The following ALPK1 variants were observed in gnomAD, a reference collection of about 807,000 sequenced individuals.
ALPK1 encodes the protein alpha-protein kinase 1.
Under a neutral mutation model 120.6 loss-of-function variants are expected in ALPK1, and 110 were observed. The observed-to-expected ratio is 0.91, with a 90% CI of 0.78 to 1.07. The LOEUF (loss-of-function observed/expected upper bound fraction) is 1.07. Among genes scored for constraint, ALPK1 ranks in the 50% least tolerant of loss-of-function variants. The pLI is 0.00. For synonymous variants in ALPK1, 582 were observed against 560.3 expected (o/e 1.04, Z -0.55); for missense variants, 1,498 against 1,483.9 (o/e 1.01, Z -0.16).
At position 112,359,417 on chromosome 4, in the gene ALPK1, C is replaced by T. The variant is rs1471502431; in HGVS notation, c.-100-18261C>T. The T allele has an allele frequency of 9.7e-6, 3 of 309,208 alleles. No individual in the cohort carries two copies. The South Asian group carries it at 1.2e-4, about 13-fold the overall frequency. 19.2% of individuals were successfully genotyped at this position (309,208 alleles called of 1,614,324 possible). On this transcript the variant is annotated intron_variant, in intron 2 of 15. Transcript: ENST00000650871. ...TGACCACTGCGAAGCCTGAGAACAT[C>T]CCCCTGCTGCAGAGGTTCAGCATGT... is the stretch of plus-strand genomic sequence containing the variant.
At chr4:112,377,392 A>C (rs1181636233) in intron 2 of ALPK1, among the ~76,000 whole-genome samples, 1 of 152,160 alleles carries the variant, frequency 6.6e-6, no homozygotes, top group African/African-American at 2.4e-5. Flanking sequence ...CAGAAGATAA[A>C]TCATGCAGTA....
intron 5 of ALPK1, among the ~76,000 whole-genome samples, chr4:112,422,845 C>T (rs893744806): frequency 2.6e-5 from 4 of 152,206 alleles, no homozygotes; most frequent in Non-Finnish European, 5.9e-5. Flanking sequence ...ATGGGCCTCT[C>T]CATGTGGCGG....
chr4:112,345,890 T>C (rs940730811), intron 2 of ALPK1, among the ~76,000 whole-genome samples: 12 of 152,224 alleles, frequency 7.9e-5, no homozygotes, highest in African/African-American at 2.6e-4. Flanking sequence ...ACTCTTGGAG[T>C]TTCACTCTTG....
chr4:112,425,914 C>A, intron 7 of ALPK1, 163 bp downstream of exon 7: 1 of 504,164 alleles, frequency 2.0e-6, no homozygotes. Flanking sequence ...CTAGGAGTGT[C>A]ACAAATATTA....
rs375367633 is a variant in ALPK1, at chr4:112,411,828, C to T, written c.278C>T (p.Ala93Val). The T allele has an allele frequency of 1.9e-6, 3 of 1,609,244 alleles. No homozygotes were observed. The highest frequency in any genetic ancestry group is 2.2e-5 in the East Asian group (1 of 44,632). ...CGATGTTCCACGCTGTTCCTCCAGG[C>T]GTCCCTGAGGGCCTCCATCCTCGCT... ...VIGAGLQQLL[A>V]SLRASILARD... Residue 93 changes from alanine (A) to valine (V), a missense_variant and splice_region_variant, in exon 5 of 16, where the codon GCG becomes GTG. By Grantham distance (64) the Ala-to-Val change is moderately conservative. Transcript: ENST00000650871.
intron 14 of ALPK1, 105 bp from the exon 15 acceptor site, chr4:112,440,812 A>T (rs1442371058): frequency 7.5e-6 from 10 of 1,328,072 alleles, no homozygotes; most frequent in African/African-American, 6.1e-5. Context: ...TATCTCTTTA[A>T]GTGTGTGTGT....
intron 10 of ALPK1, among the ~76,000 whole-genome samples, chr4:112,429,635 A>T (rs1417878619): frequency 6.6e-6 from 1 of 152,116 alleles, no homozygotes; most frequent in Non-Finnish European, 1.5e-5. Flanking sequence ...AAATTTCAAG[A>T]CTAGCCTGAG....
At chr4:112,398,207 T>A (rs901917266) in intron 4 of ALPK1, among the ~76,000 whole-genome samples, 2 of 152,180 alleles carry the variant, frequency 1.3e-5, no homozygotes, top group Non-Finnish European at 2.9e-5. Flanking sequence ...TGAGAAGTGA[T>A]ACAAATAAGA....
intron 5 of ALPK1, among the ~76,000 whole-genome samples, chr4:112,416,560 G>A (rs1272949896): frequency 6.6e-6 from 1 of 152,136 alleles, no homozygotes; most frequent in African/African-American, 2.4e-5. Context: ...TACACTGAAG[G>A]AGTATATCTA....
At chr4:112,385,982 CTG>C (rs1033311881) in intron 4 of ALPK1, among the ~76,000 whole-genome samples, 1 of 152,196 alleles carries the variant, frequency 6.6e-6, no homozygotes, top group African/African-American at 2.4e-5. Flanking sequence ...AGCATAAACA[CTG>C]TGTCTTTAAT....
intron 2 of ALPK1, among the ~76,000 whole-genome samples, chr4:112,367,459 T>C (rs1448389809): frequency 6.6e-6 from 1 of 152,086 alleles, no homozygotes; most frequent in African/African-American, 2.4e-5. Context: ...ACAAAAAATA[T>C]CAAAAAATAA....
At chr4:112,357,022 G>C in intron 2 of ALPK1, 1 of 797,956 alleles carries the variant, frequency 1.3e-6, no homozygotes, top group Non-Finnish European at 2.2e-6. Context: ...CCCAACCGGA[G>C]TTCAGCGCGG....
At chr4:112,424,281 A>G (rs1560681846) in intron 6 of ALPK1, among the ~76,000 whole-genome samples, 1 of 152,168 alleles carries the variant, frequency 6.6e-6, no homozygotes, top group Non-Finnish European at 1.5e-5. Flanking sequence ...AATCACTGTC[A>G]AGGCAGATAA....
intron 2 of ALPK1, among the ~76,000 whole-genome samples, chr4:112,349,603 G>C (rs1398584426): frequency 7.7e-6 from 1 of 129,606 alleles, no homozygotes; most frequent in East Asian, 2.4e-4. Flanking sequence ...ACCCAGGCTA[G>C]AGTGCAGTGG....
intron 4 of ALPK1, among the ~76,000 whole-genome samples, chr4:112,396,020 T>A (rs1732634517): frequency 6.6e-6 from 1 of 152,144 alleles, no homozygotes; most frequent in Non-Finnish European, 1.5e-5. Context: ...ATTTGGAACA[T>A]TTTTTTAAAT....
At chr4:112,365,243 T>C (rs1445137224) in intron 2 of ALPK1, among the ~76,000 whole-genome samples, 1 of 152,096 alleles carries the variant, frequency 6.6e-6, no homozygotes, top group African/African-American at 2.4e-5. Flanking sequence ...GGCATCCAAG[T>C]TGGTAATGAG....
At chr4:112,355,910 T>C (rs973531771) in intron 2 of ALPK1, among the ~76,000 whole-genome samples, 1 of 152,204 alleles carries the variant, frequency 6.6e-6, no homozygotes, top group Non-Finnish European at 1.5e-5. Flanking sequence ...CTGGAGTCGG[T>C]TGAGGTCCTG....
At chr4:112,321,817 G>A (rs1265766060) in intron 2 of ALPK1, among the ~76,000 whole-genome samples, 2 of 152,034 alleles carry the variant, frequency 1.3e-5, no homozygotes, top group East Asian at 3.8e-4. Flanking sequence ...CTATTTTAAT[G>A]TTCCACAAAA....
rs1380948764 is a variant in ALPK1, at chr4:112,423,857, A to G, written c.476-87A>G. 9.9e-5 allele frequency: 127 copies of G among 1,285,930 alleles called. 1 individual carries two copies. The highest frequency in any genetic ancestry group is 1.8e-5 in the Non-Finnish European group (16 of 884,806). The allele number at this position is 1,285,930 out of a possible 1,614,324, so 79.7% of individuals were successfully genotyped here. A position where few individuals can be genotyped will look rare whatever the true frequency, so the allele number is the denominator to read the frequency against. On this transcript the variant is annotated intron_variant, in intron 5 of 15. Coordinates refer to ENST00000650871, the MANE Select transcript of ALPK1 (RefSeq NM_025144.4). ...AAAGGAGGTTACAGTTCCTGCTGCA[A>G]TATATCAGTCTTAGAACATGAACAA... is the stretch of plus-strand genomic sequence containing the variant.
Sources: gnomAD v4.1 joint callset for allele counts (sites outside exome capture counted in the v4.1 genomes callset) on GRCh38, gnomAD v4.1.1 for gene constraint, MANE v1.5 for transcripts, NCBI Gene and HGNC (gene_info 2026-07-23, HGNC 2026-07-21) for gene names.